DPP6: variants seen among roughly 807,000 people sequenced by gnomAD.
The protein encoded by DPP6 is A-type potassium channel modulatory protein DPP6.
In DPP6, 69 loss-of-function variants were observed where a neutral mutation model predicts 122.6. The ratio of observed to expected loss-of-function variants is 0.56; its 90% CI spans 0.46 to 0.69. DPP6 has a LOEUF of 0.69. DPP6 is among the 30% of genes least tolerant of loss of function. DPP6 has a pLI of 0.00. For synonymous variants in DPP6, 418 were observed against 433.1 expected, an observed-to-expected ratio of 0.97 and a Z score of 0.43; for missense variants, 928 against 1,116.9, an observed-to-expected ratio of 0.83 and a Z score of 2.41.
At chr7:154,339,472 A>G (rs946743082) in intron 1 of DPP6, among the ~76,000 whole-genome samples, 5 of 152,212 alleles carry the variant, frequency 3.3e-5, no homozygotes, top group East Asian at 1.9e-4. Context: ...AGCCCACCGA[A>G]TAGAAAACGT....
chr7:154,131,242 A>G (rs1359684466), intron 1 of DPP6, among the ~76,000 whole-genome samples: 1 of 152,220 alleles, frequency 6.6e-6, no homozygotes, highest in Non-Finnish European at 1.5e-5. Context: ...TTAAGCTGAA[A>G]TTCTCCACGG....
chr7:154,305,279 T>C (rs1806222438), intron 1 of DPP6: 1 of 1,309,484 alleles, frequency 7.6e-7, no homozygotes, highest in Non-Finnish European at 9.7e-7. Flanking sequence ...AGCGGCAGCT[T>C]CCTGCTTCGG....
intron 5 of DPP6, among the ~76,000 whole-genome samples, chr7:154,575,737 G>C (rs966167752): frequency 1.4e-5 from 2 of 145,624 alleles, no homozygotes; most frequent in East Asian, 4.1e-4. Context: ...TGTGGTATGT[G>C]TATGTGTGTG....
intron 5 of DPP6, among the ~76,000 whole-genome samples, chr7:154,586,351 C>CCTTA: frequency 6.6e-6 from 1 of 152,206 alleles, no homozygotes; most frequent in Non-Finnish European, 1.5e-5. Flanking sequence ...TCCTACCTGC[C>CCTTA]GGCCTCAGCT....
chr7:153,880,876 CATAA>C, the DPP6 span, among the ~76,000 whole-genome samples: 4 of 152,158 alleles, frequency 2.6e-5, no homozygotes, highest in African/African-American at 9.7e-5. Flanking sequence ...TAGAGATGAA[CATAA>C]ATCATTTCTT....
At chr7:153,799,738 T>C in the DPP6 span, among the ~76,000 whole-genome samples, 2 of 152,240 alleles carry the variant, frequency 1.3e-5, no homozygotes, top group East Asian at 3.8e-4. Flanking sequence ...TAATAAAATG[T>C]GTTTACACTC....
At chr7:154,393,316 C>G (rs1814785118) in intron 1 of DPP6, among the ~76,000 whole-genome samples, 1 of 152,150 alleles carries the variant, frequency 6.6e-6, no homozygotes, top group African/African-American at 2.4e-5. Context: ...GCAGGAGAAA[C>G]TATTAGAATT....
At chr7:154,047,379 T>C (rs1461984217) in intron 1 of DPP6, among the ~76,000 whole-genome samples, 1 of 149,540 alleles carries the variant, frequency 6.7e-6, no homozygotes. Context: ...AAGAAGTGTG[T>C]GGTTTGAAAA....
chr7:154,648,117 G>A (rs28430433), intron 6 of DPP6, among the ~76,000 whole-genome samples: 22,266 of 151,230 alleles, frequency 0.15, 1,930 homozygotes, highest in African/African-American at 0.24. Flanking sequence ...AAAATTAGCC[G>A]GGCATGGTGG....
intron 1 of DPP6, among the ~76,000 whole-genome samples, chr7:153,983,255 G>A (rs986178632): frequency 9.2e-5 from 14 of 152,254 alleles, no homozygotes; most frequent in Non-Finnish European, 1.9e-4. Context: ...CAGAGAGAAG[G>A]AATCTAGAGA....
At chr7:154,635,707 C>A (rs1285079774) in intron 5 of DPP6, among the ~76,000 whole-genome samples, 1 of 152,126 alleles carries the variant, frequency 6.6e-6, no homozygotes, top group Non-Finnish European at 1.5e-5. Flanking sequence ...AAGACATTAG[C>A]CAGGGTTGCA....
chr7:154,305,843 C>T (rs1806294027), intron 1 of DPP6, among the ~76,000 whole-genome samples: 1 of 152,028 alleles, frequency 6.6e-6, no homozygotes, highest in Non-Finnish European at 1.5e-5. Context: ...TCAAGGTAAA[C>T]TTGATGTGAA....
intron 5 of DPP6, among the ~76,000 whole-genome samples, chr7:154,630,626 C>G (rs1194660149): frequency 6.6e-6 from 1 of 152,158 alleles, no homozygotes; most frequent in African/African-American, 2.4e-5. Flanking sequence ...GAGTTCATGT[C>G]CTTTGCAGGG....
intron 1 of DPP6, among the ~76,000 whole-genome samples, chr7:154,314,223 C>G (rs1807228783): frequency 1.3e-5 from 2 of 152,116 alleles, no homozygotes; most frequent in South Asian, 2.1e-4. Context: ...GATTCTGTAT[C>G]TATGAAATGG....
intron 1 of DPP6, among the ~76,000 whole-genome samples, chr7:153,940,658 G>A (rs924854902): frequency 3.9e-5 from 6 of 152,136 alleles, no homozygotes; most frequent in Admixed American, 2.0e-4. Context: ...GTAGGACTCT[G>A]ATGATTCATG....
chr7:154,517,282 C>T (rs1302943625), intron 3 of DPP6, among the ~76,000 whole-genome samples: 1 of 152,158 alleles, frequency 6.6e-6, no homozygotes, highest in Non-Finnish European at 1.5e-5. Flanking sequence ...CCAGTTGTAA[C>T]ACTCATTGCA....
chr7:153,844,041 T>C, the DPP6 span, among the ~76,000 whole-genome samples: 2 of 152,160 alleles, frequency 1.3e-5, no homozygotes, highest in Admixed American at 1.3e-4. Context: ...CCCAGAGCTA[T>C]GAACATCTGC....
chr7:154,002,136 G>A (rs1200496325), intron 1 of DPP6, among the ~76,000 whole-genome samples: 1 of 152,182 alleles, frequency 6.6e-6, no homozygotes, highest in Admixed American at 6.6e-5. Context: ...CAGTTTAAGA[G>A]GAGGAAACAG....
intron 1 of DPP6, among the ~76,000 whole-genome samples, chr7:154,247,140 C>G (rs1310475640): frequency 6.6e-6 from 1 of 152,068 alleles, no homozygotes; most frequent in Non-Finnish European, 1.5e-5. Flanking sequence ...TGGTGATACC[C>G]CATCTCTACT....
Sources: allele counts gnomAD v4.1 joint callset (sites outside exome capture counted in the v4.1 genomes callset), GRCh38; gene constraint gnomAD v4.1.1; transcripts MANE v1.5; gene names NCBI Gene and HGNC (gene_info 2026-07-23, HGNC 2026-07-21).